Variants in DNAH3 observed in about 807,000 individuals in gnomAD.
The protein encoded by DNAH3 is axonemal beta dynein heavy chain 3.
In DNAH3, 332 loss-of-function variants were observed where a neutral mutation model predicts 432.5. That is an observed-to-expected ratio of 0.77 (90% CI 0.70 to 0.84). The LOEUF (loss-of-function observed/expected upper bound fraction) is 0.84. DNAH3 is among the 40% of genes least tolerant of loss of function. The probability of loss-of-function intolerance (pLI) is 0.00; values close to 1 mark genes in which losing one functional copy is unlikely to be tolerated. For synonymous variants in DNAH3, 1,956 were observed against 1,900.2 expected (o/e 1.03, Z -0.76); for missense variants, 4,861 against 5,114.0 (o/e 0.95, Z 1.51).
chr16:20,984,597 C>T (rs1279022817), intron 48 of DNAH3, among the ~76,000 whole-genome samples: 7 of 152,098 alleles, frequency 4.6e-5, no homozygotes, highest in Middle Eastern at 3.2e-3. Flanking sequence ...GGGTCCGGCA[C>T]GGTGGCTTAT....
intron 59 of DNAH3, among the ~76,000 whole-genome samples, chr16:20,938,246 C>G (rs1284089814): frequency 6.6e-6 from 1 of 152,024 alleles, no homozygotes; most frequent in African/African-American, 2.4e-5. Context: ...ACAAAATTAG[C>G]TGAGCATGCG....
At chr16:21,037,386 T>C (rs2089224259) in intron 34 of DNAH3, among the ~76,000 whole-genome samples, 1 of 152,148 alleles carries the variant, frequency 6.6e-6, no homozygotes, top group Non-Finnish European at 1.5e-5. Flanking sequence ...ATTTAATAAG[T>C]CTGGATTATC....
At chr16:21,156,377 A>G (rs1422377621) in intron 1 of DNAH3, among the ~76,000 whole-genome samples, 1 of 151,984 alleles carries the variant, frequency 6.6e-6, no homozygotes, top group East Asian at 1.9e-4. Flanking sequence ...GACTACAGGC[A>G]TGTGCCACTA....
At chr16:21,146,219 C>G (rs2092781519) in intron 1 of DNAH3, 131 bp from the exon 3 acceptor site, 1 of 611,962 alleles carries the variant, frequency 1.6e-6, no homozygotes, top group East Asian at 2.8e-5. Context: ...ACAAAACACT[C>G]CTCTCATTCC....
intron 17 of DNAH3, 113 bp from the exon 18 acceptor site, chr16:21,097,612 T>A (rs2091723022): frequency 4.7e-6 from 6 of 1,286,524 alleles, no homozygotes; most frequent in Non-Finnish European, 5.5e-6. Context: ...AAATGCTTAT[T>A]CATCTGGAGA....
intron 31 of DNAH3, among the ~76,000 whole-genome samples, chr16:21,044,680 A>C (rs1370650300): frequency 5.3e-4 from 31 of 58,398 alleles, no homozygotes; most frequent in Admixed American, 6.4e-4. Flanking sequence ...TCTCCTGCCT[A>C]ATTGCCCTGG....
At chr16:20,988,172 C>T in intron 44 of DNAH3, 107 bp from the exon 45 acceptor site, 2 of 1,471,426 alleles carry the variant, frequency 1.4e-6, no homozygotes, top group Non-Finnish European at 9.3e-7. Context: ...CCTTCATGTT[C>T]CAGAGCTGTG....
chr16:20,995,479 TC>T (rs1370040935), intron 44 of DNAH3, among the ~76,000 whole-genome samples: 3 of 152,246 alleles, frequency 2.0e-5, no homozygotes, highest in African/African-American at 7.2e-5. Flanking sequence ...GCCAGGCTGG[TC>T]TCGAACTCCT....
intron 54 of DNAH3, among the ~76,000 whole-genome samples, chr16:20,958,681 C>T (rs2152608182): frequency 6.6e-6 from 1 of 152,228 alleles, no homozygotes; most frequent in South Asian, 2.1e-4. Context: ...TCTCTGTATT[C>T]CATGGTTCTT....
chr16:20,941,723 C>CA (rs3841491), intron 58 of DNAH3, among the ~76,000 whole-genome samples, 180 bp from the exon 59 acceptor site: 3,988 of 152,166 alleles, frequency 0.026, 100 homozygotes, highest in East Asian at 0.068. Context: ...ATCACCCCAC[C>CA]AGCCTTGGGG....
intron 19 of DNAH3, among the ~76,000 whole-genome samples, chr16:21,085,431 C>T (rs780985130): frequency 1.3e-5 from 2 of 149,536 alleles, no homozygotes; most frequent in Non-Finnish European, 3.0e-5. Flanking sequence ...GCAATCCCAG[C>T]TACTCAGGAG....
intron 18 of DNAH3, among the ~76,000 whole-genome samples, chr16:21,089,848 A>G (rs763553837): frequency 1.2e-4 from 18 of 152,144 alleles, no homozygotes; most frequent in Non-Finnish European, 2.2e-4. Flanking sequence ...AACAAAAATA[A>G]TAAGAAAGAT....
chr16:21,029,826 G>A (rs1467541053), intron 37 of DNAH3, among the ~76,000 whole-genome samples: 3 of 152,010 alleles, frequency 2.0e-5, no homozygotes, highest in Admixed American at 6.6e-5. Context: ...CATCCCATAT[G>A]CCCCCACTTT....
At chr16:21,015,845 G>T (rs2087832209) in intron 41 of DNAH3, among the ~76,000 whole-genome samples, 1 of 151,912 alleles carries the variant, frequency 6.6e-6, no homozygotes, top group Non-Finnish European at 1.5e-5. Context: ...AGGTTGGATT[G>T]CAGTGGTGTG....
At chr16:20,985,424 G>A (rs551993850) in exon 48 of DNAH3, 7 of 1,614,142 alleles carry the variant, frequency 4.3e-6, no homozygotes, top group East Asian at 2.2e-5. Context: ...GCACTTTGCC[G>A]CCCGCTGCCC....
exon 62 of DNAH3, chr16:20,933,174 G>T: frequency 6.2e-7 from 1 of 1,613,418 alleles, no homozygotes; most frequent in South Asian, 1.1e-5. Flanking sequence ...AGCTGGCACA[G>T]TGAGGCCACC....
intron 44 of DNAH3, among the ~76,000 whole-genome samples, chr16:20,994,387 T>C (rs9934182): frequency 0.51 from 78,091 of 152,078 alleles, 20,493 homozygotes; most frequent in African/African-American, 0.62. Context: ...GCTGAGATCA[T>C]GCCATTGCAC....
At chr16:21,024,622 T>C in exon 39 of DNAH3, 1 of 1,612,398 alleles carries the variant, frequency 6.2e-7, no homozygotes, top group Non-Finnish European at 8.5e-7. Context: ...TTGGTGAGAC[T>C]GGAGGGCAGG....
chr16:20,952,390 T>A, intron 56 of DNAH3, 43 bp downstream of exon 56: 1 of 1,210,682 alleles, frequency 8.3e-7, no homozygotes, highest in Non-Finnish European at 1.2e-6. Context: ...GGGTGGAACA[T>A]GATACTGGAG....
Sources: gnomAD v4.1 joint callset for allele counts (sites outside exome capture counted in the v4.1 genomes callset) on GRCh38, gnomAD v4.1.1 for gene constraint, MANE v1.5 for transcripts, NCBI Gene and HGNC (gene_info 2026-07-23, HGNC 2026-07-21) for gene names.